IL15RA: variants seen among roughly 807,000 people sequenced by gnomAD.
IL15RA encodes the protein interleukin-15 receptor subunit alpha.
IL15RA carries 26 observed loss-of-function variants against 24.2 expected under a neutral mutation model. That is an observed-to-expected ratio of 1.07 (90% CI 0.79 to 1.49). The LOEUF is 1.49. IL15RA is among the 40% of genes most tolerant of loss of function. IL15RA has a pLI of 0.00. For synonymous variants in IL15RA, 166 were observed against 157.6 expected (o/e 1.05, Z -0.40); for missense variants, 354 against 356.4 (o/e 0.99, Z 0.05).
At chr10:5,951,654 T>G (rs570046068), downstream of IL15RA, among the ~76,000 whole-genome samples, 1 of 152,316 alleles carries the variant, frequency 6.6e-6, no homozygotes, top group South Asian at 2.1e-4. Flanking sequence ...AGCAAAACCC[T>G]ATCTCTACTA....
rs74229641 is a variant in IL15RA, at chr10:5,961,419, G to A, written c.383-852C>T. Among the ~76,000 whole-genome samples, 1 of 51,136 alleles carries A rather than the reference G, an allele frequency of 2.0e-5. No individual in the cohort carries two copies. Among genetic ancestry groups the A allele is most frequent in the African/African-American group, 5.6e-5 (1 of 17,988 alleles). 33.5% of individuals were successfully genotyped at this position (51,136 alleles called of 152,430 possible). A position where few individuals can be genotyped will look rare whatever the true frequency, so the allele number is the denominator to read the frequency against. Reference sequence around the variant, plus strand: ...ACCCCTGTCTCTTAAAAAAAAAGGTGGGGGGAAGAAAAGAAAAGGTGTCAA... The same window carrying A: ...ACCCCTGTCTCTTAAAAAAAAAGGTAGGGGGAAGAAAAGAAAAGGTGTCAA... On this transcript the variant is annotated intron_variant, in intron 3 of 6. Coordinates refer to ENST00000379977, the MANE Select transcript of IL15RA (RefSeq NM_002189.4). The surrounding 1 kb of genome is among the most constrained non-coding windows in gnomAD (Gnocchi z 5.2).
chr10:5,957,794 G>A (rs748476613), intron 5 of IL15RA, among the ~76,000 whole-genome samples: 25 of 152,084 alleles, frequency 1.6e-4, no homozygotes, highest in Non-Finnish European at 2.5e-4. Flanking sequence ...GTTTTGCTAT[G>A]TTGGCCAGGC....
Position 5,968,410 on chromosome 10 carries a change from C to T in IL15RA, c.89-2071G>A, listed in dbSNP as rs1343978921. 6.6e-6 allele frequency among the ~76,000 whole-genome samples: 1 copy of T among 152,186 alleles called. No individual in the cohort carries two copies. Among genetic ancestry groups the T allele is most frequent in the East Asian group, 1.9e-4 (1 of 5,198 alleles). ...TTTCCATTCAACTCCCATCCCAAAG[C>T]CTTCTCCTCTGTCACAGGGGCAGCG... On this transcript the variant is annotated intron_variant, in intron 1 of 6. Transcript: ENST00000379977. This position sits in a 1 kb window ranked among gnomAD's most constrained non-coding sequence, Gnocchi z 5.4.
chr10:5,949,021 A>C, downstream of IL15RA: 1 of 336,636 alleles, frequency 3.0e-6, no homozygotes, highest in Non-Finnish European at 6.0e-6. This position sits in a 1 kb window ranked among gnomAD's most constrained non-coding sequence, Gnocchi z 4.4. Flanking sequence ...AATGGCGCTG[A>C]GATGAGTTTT....
rs1564481851 is a variant in IL15RA, at chr10:5,953,482, C to T, written c.693-276G>A. 6.6e-6 allele frequency among the ~76,000 whole-genome samples: 1 copy of T among 152,110 alleles called. No individual in the cohort carries two copies. The highest frequency in any genetic ancestry group is 1.5e-5 in the Non-Finnish European group (1 of 68,026). Reference sequence around the variant, plus strand: ...CTTTAGGAGGCTGTCGTGGGAGGATCGCTTGAGCCCAGAAGTTCAAGACCA... The same window carrying T: ...CTTTAGGAGGCTGTCGTGGGAGGATTGCTTGAGCCCAGAAGTTCAAGACCA... On this transcript the variant is annotated intron_variant, in intron 6 of 6. Coordinates refer to ENST00000379977, the MANE Select transcript of IL15RA (RefSeq NM_002189.4). The surrounding 1 kb of genome is among the most constrained non-coding windows in gnomAD (Gnocchi z 5.3).
chr10:5,972,196 G>T (rs945625294), intron 1 of IL15RA, among the ~76,000 whole-genome samples: 1 of 152,040 alleles, frequency 6.6e-6, no homozygotes, highest in African/African-American at 2.4e-5. Flanking sequence ...ATGCTCCCCT[G>T]CACAGAAACC....
At chr10:5,956,132 A>G (rs1302288969) in intron 6 of IL15RA, among the ~76,000 whole-genome samples, 1 of 152,054 alleles carries the variant, frequency 6.6e-6, no homozygotes, top group Non-Finnish European at 1.5e-5. Context: ...CTCCTGCCTC[A>G]GCCTCCCGAA....
At position 5,970,787 on chromosome 10, in the gene IL15RA, G is replaced by T. The variant is rs562663862; in HGVS notation, c.89-4448C>A. ...TTATTTTATTTTATTTTGAGACAGG[G>T]TCTAGCTCTGTCACCCAGGCTAGAG... On this transcript the variant is annotated intron_variant, in intron 1 of 6. Coordinates refer to ENST00000379977, the MANE Select transcript of IL15RA (RefSeq NM_002189.4). This position sits in a 1 kb window ranked among gnomAD's most constrained non-coding sequence, Gnocchi z 4.1. 3.0e-3 allele frequency among the ~76,000 whole-genome samples: 438 copies of T among 144,200 alleles called. 1 individual carries two copies. Among genetic ancestry groups the T allele is most frequent in the South Asian group, 0.022 (104 of 4,710 alleles). The allele number at this position is 144,200 out of a possible 152,430, so 94.6% of individuals were successfully genotyped here.
intron 6 of IL15RA, among the ~76,000 whole-genome samples, chr10:5,954,212 C>T (rs550604775): frequency 7.0e-6 from 1 of 143,572 alleles, no homozygotes; most frequent in East Asian, 2.0e-4. Context: ...TGCTCTGTCT[C>T]CCAGGCTGGA....
intron 5 of IL15RA, among the ~76,000 whole-genome samples, chr10:5,957,593 CTT>C (rs34002653): frequency 3.0e-5 from 4 of 131,598 alleles, no homozygotes; most frequent in African/African-American, 2.9e-5. Flanking sequence ...TTTTCTTCTT[CTT>C]TTTTTTTTTT....
At chr10:5,974,504 C>T (rs1589260398) in intron 1 of IL15RA, among the ~76,000 whole-genome samples, 1 of 151,960 alleles carries the variant, frequency 6.6e-6, no homozygotes, top group Non-Finnish European at 1.5e-5. Context: ...TGTGAAGGAA[C>T]TGGAACTTCC....
upstream of IL15RA, among the ~76,000 whole-genome samples, chr10:5,978,489 G>C (rs1293364228): frequency 6.6e-6 from 1 of 152,162 alleles, no homozygotes; most frequent in East Asian, 1.9e-4. The surrounding 1 kb of genome is among the most constrained non-coding windows in gnomAD (Gnocchi z 5.2). Flanking sequence ...AGGCTTTTGT[G>C]ACATACTTGC....
rs922234892 is a variant in IL15RA, at chr10:5,961,493, G to A, written c.383-926C>T. 2.6e-5 allele frequency among the ~76,000 whole-genome samples: 4 copies of A among 152,252 alleles called. No individual in the cohort carries two copies. Among genetic ancestry groups the A allele is most frequent in the Non-Finnish European group, 5.9e-5 (4 of 68,046 alleles). ...TACTAGAGAAGGCAGGCCCAACGCT[G>A]GAGGCTCAGCTGAGAGCAGGTGAAG... On this transcript the variant is annotated intron_variant, in intron 3 of 6. Transcript: ENST00000379977. This position sits in a 1 kb window ranked among gnomAD's most constrained non-coding sequence, Gnocchi z 5.2.
rs1315129363 is a variant in IL15RA at position 5,960,632 on chromosome 10, C to T, written c.383-65G>A. 1.1e-5 allele frequency: 16 copies of T among 1,407,576 alleles called. No homozygotes were observed. The Admixed American group carries it at 1.9e-4, about 16-fold the overall frequency. 87.2% of individuals were successfully genotyped at this position (1,407,576 alleles called of 1,614,324 possible). Reference sequence around the variant, plus strand: ...GACTCCCCTCCTCTCAGCTGCAGCACGGGGTGATGTGGGAGCTGCCATAGT... The same window carrying T: ...GACTCCCCTCCTCTCAGCTGCAGCATGGGGTGATGTGGGAGCTGCCATAGT... On this transcript the variant is annotated intron_variant, in intron 3 of 6. Coordinates refer to ENST00000379977, the MANE Select transcript of IL15RA (RefSeq NM_002189.4). The surrounding 1 kb of genome is among the most constrained non-coding windows in gnomAD (Gnocchi z 5.1).
intron 1 of IL15RA, among the ~76,000 whole-genome samples, chr10:5,974,977 C>G (rs960385038): frequency 6.6e-6 from 1 of 151,674 alleles, no homozygotes; most frequent in Non-Finnish European, 1.5e-5. Context: ...TATAATCATG[C>G]TACTGCACTC....
At position 5,955,714 on chromosome 10, in the gene IL15RA, A is replaced by C. The variant is rs1834422340; in HGVS notation, c.692+665T>G. On this transcript the variant is annotated intron_variant, in intron 6 of 6. Coordinates refer to ENST00000379977, the MANE Select transcript of IL15RA (RefSeq NM_002189.4). The surrounding 1 kb of genome is among the most constrained non-coding windows in gnomAD (Gnocchi z 5.3). ...TTAGAAATACAAAATTAAGGCTAAC[A>C]TGAATCAGTATATTTATAAGAAGGC... 6.6e-6 allele frequency among the ~76,000 whole-genome samples: 1 copy of C among 152,244 alleles called. No homozygotes were observed. Among genetic ancestry groups the C allele is most frequent in the African/African-American group, 2.4e-5 (1 of 41,466 alleles).
At position 5,956,307 on chromosome 10, in the gene IL15RA, G is replaced by A. The variant is rs3136628; in HGVS notation, c.692+72C>T. 0.035 allele frequency: 43,201 copies of A among 1,232,516 alleles called. 1,391 individuals carry two copies. The highest frequency in any genetic ancestry group is 0.16 in the African/African-American group (10,546 of 67,162). 76.3% of individuals were successfully genotyped at this position (1,232,516 alleles called of 1,614,324 possible). A position where few individuals can be genotyped will look rare whatever the true frequency, so the allele number is the denominator to read the frequency against. On this transcript the variant is annotated intron_variant, in intron 6 of 6. Coordinates refer to ENST00000379977, the MANE Select transcript of IL15RA (RefSeq NM_002189.4). ...TGGAATTCCAGGCGTGAGCTACCGC[G>A]CCCGGCCAGGTGCAGCTCTTTTCTC...
In IL15RA at chr10:5,965,423, A is replaced by G. The variant is rs1346581012; in HGVS notation, c.283+722T>C. ...CATTTCTCACACTAGCGTGCTCATG[A>G]GTGCCCGCCCAGCTCTGCAGCCAAA... On this transcript the variant is annotated intron_variant, in intron 2 of 6. Coordinates refer to ENST00000379977, the MANE Select transcript of IL15RA (RefSeq NM_002189.4). This position sits in a 1 kb window ranked among gnomAD's most constrained non-coding sequence, Gnocchi z 5.8. Among the ~76,000 whole-genome samples, 1 of 152,234 alleles carries G rather than the reference A, an allele frequency of 6.6e-6. No individual in the cohort carries two copies. The highest frequency in any genetic ancestry group is 1.5e-5 in the Non-Finnish European group (1 of 68,040).
rs1416405964 is a variant in IL15RA, at chr10:5,955,419, T to C, written c.692+960A>G. ...CAGCCAGGGTCACATAATTTTTATATTGATATCACATTTAGAAAAGAATGT... is the reference window on the plus strand; with the variant it reads ...CAGCCAGGGTCACATAATTTTTATACTGATATCACATTTAGAAAAGAATGT... On this transcript the variant is annotated intron_variant, in intron 6 of 6. Transcript: ENST00000379977. This position sits in a 1 kb window ranked among gnomAD's most constrained non-coding sequence, Gnocchi z 5.3. Among the ~76,000 whole-genome samples, 2 of 152,154 alleles carry C rather than the reference T, an allele frequency of 1.3e-5. No homozygotes were observed. Among genetic ancestry groups the C allele is most frequent in the Admixed American group, 1.3e-4 (2 of 15,260 alleles).
Sources: allele counts gnomAD v4.1 joint callset (sites outside exome capture counted in the v4.1 genomes callset), GRCh38; gene constraint gnomAD v4.1.1; non-coding constraint Gnocchi (gnomAD v3.1); transcripts MANE v1.5; gene names NCBI Gene and HGNC (gene_info 2026-07-23, HGNC 2026-07-21).